Variants in AGPAT5 observed in about 807,000 individuals in gnomAD.
AGPAT5 encodes 1-acylglycerol-3-phosphate O-acyltransferase 5, also known as 1-acyl-sn-glycerol-3-phosphate acyltransferase epsilon.
A neutral mutation model predicts 45.6 loss-of-function variants in AGPAT5; 46 were observed. The ratio of observed to expected loss-of-function variants is 1.01; its 90% CI spans 0.80 to 1.29. The LOEUF (loss-of-function observed/expected upper bound fraction) is 1.29. AGPAT5 is among the 50% of genes most tolerant of loss of function. The probability of loss-of-function intolerance (pLI) is 0.00; values close to 1 mark genes in which losing one functional copy is unlikely to be tolerated. For missense variants in AGPAT5, 673 were observed against 450.7 expected, an observed-to-expected ratio of 1.49 and a Z score of -4.47; for synonymous variants, 272 against 167.0, an observed-to-expected ratio of 1.63 and a Z score of -4.85.
intron 4 of AGPAT5, among the ~76,000 whole-genome samples, chr8:6,739,054 A>C (rs960378701): frequency 1.3e-5 from 2 of 152,084 alleles, no homozygotes; most frequent in Non-Finnish European, 2.9e-5. Context: ...TATAGAAAAG[A>C]TTATTTCCCC....
chr8:6,750,471 C>G (rs575375294), intron 6 of AGPAT5, among the ~76,000 whole-genome samples: 4 of 152,126 alleles, frequency 2.6e-5, no homozygotes, highest in Non-Finnish European at 5.9e-5. Context: ...TCACTTCAGT[C>G]AAGGATAAAG....
chr8:6,715,550 C>CT (rs774164084), intron 1 of AGPAT5, among the ~76,000 whole-genome samples: 1 of 152,258 alleles, frequency 6.6e-6, no homozygotes, highest in East Asian at 1.9e-4. Context: ...CATTCTTCCT[C>CT]TTTTACAGAC....
Position 6,730,827 on chromosome 8 carries a change from G to A in AGPAT5, c.405+1G>A, listed in dbSNP as rs1437339406. The A allele has an allele frequency of 6.2e-7, 1 of 1,604,644 alleles. No homozygotes were observed. Among genetic ancestry groups the A allele is most frequent in the African/African-American group, 1.3e-5 (1 of 74,480 alleles). On this transcript the variant is annotated splice_donor_variant, in intron 3 of 7. Transcript: ENST00000285518. LOFTEE classifies it high-confidence loss of function. ...ATTGTATGGGTGTTACTTTGCTCAG[G>A]TAACTTGTTTCCATGCTTTTCTCTC...
rs1801519781 is a variant in AGPAT5 at position 6,747,670 on chromosome 8, G to C, written c.587G>C (p.Gly196Ala). 6.2e-7 allele frequency: 1 copy of C among 1,612,330 alleles called. No homozygotes were observed. The highest frequency in any genetic ancestry group is 1.1e-5 in the South Asian group (1 of 90,946). The change falls in exon 6 of 8, where the codon GGC becomes GCC. Residue 196 changes from glycine (G) to alanine (A), a missense_variant and splice_region_variant. Transcript: ENST00000285518. ...ATGACGGCACTGAATTGACTTCTAG[G>C]CCTTGCAGTATTAAAACATGTGCTA... ...SASQAFAAQR[G>A]LAVLKHVLTP...
chr8:6,733,705 A>C (rs1418091733), intron 4 of AGPAT5, among the ~76,000 whole-genome samples: 2 of 152,176 alleles, frequency 1.3e-5, no homozygotes, highest in African/African-American at 2.4e-5. Flanking sequence ...TGGTTTATCG[A>C]CTTTTTACAA....
chr8:6,741,011 A>ATGTCT (rs1801228155), intron 4 of AGPAT5, among the ~76,000 whole-genome samples: 1 of 152,172 alleles, frequency 6.6e-6, no homozygotes, highest in Non-Finnish European at 1.5e-5. Flanking sequence ...TTTCCTAAGC[A>ATGTCT]GATAAGCGTA....
At chr8:6,712,465 A>T (rs987495519) in intron 1 of AGPAT5, among the ~76,000 whole-genome samples, 3 of 152,176 alleles carry the variant, frequency 2.0e-5, no homozygotes, top group Admixed American at 2.0e-4. Flanking sequence ...TGTGGTGAAT[A>T]TACTGGTGTT....
intron 1 of AGPAT5, among the ~76,000 whole-genome samples, chr8:6,724,625 TA>T (rs1436528197): frequency 2.6e-5 from 4 of 150,988 alleles, no homozygotes; most frequent in African/African-American, 9.8e-5. Flanking sequence ...ATGCTTGCTA[TA>T]TTTTTCTCAT....
At chr8:6,739,355 T>C (rs1801159967) in intron 4 of AGPAT5, among the ~76,000 whole-genome samples, 1 of 152,152 alleles carries the variant, frequency 6.6e-6, no homozygotes, top group Non-Finnish European at 1.5e-5. Flanking sequence ...TTTGATTGTA[T>C]TGAAGATATA....
intron 1 of AGPAT5, among the ~76,000 whole-genome samples, chr8:6,711,642 A>T (rs1390583378): frequency 6.6e-6 from 1 of 152,188 alleles, no homozygotes; most frequent in African/African-American, 2.4e-5. Context: ...TAAGCGGCTT[A>T]AAATAATAGA....
intron 4 of AGPAT5, among the ~76,000 whole-genome samples, chr8:6,737,102 G>GT (rs973789558): frequency 3.9e-5 from 6 of 152,196 alleles, no homozygotes; most frequent in Non-Finnish European, 8.8e-5. Flanking sequence ...TAGCCTCCCT[G>GT]TTTTTTGTGG....
At chr8:6,722,695 C>G (rs1406969855) in intron 1 of AGPAT5, among the ~76,000 whole-genome samples, 1 of 152,090 alleles carries the variant, frequency 6.6e-6, no homozygotes, top group Non-Finnish European at 1.5e-5. Flanking sequence ...CAGGCCTTCT[C>G]CTGAAAGCCA....
In AGPAT5 at chr8:6,728,151, G is replaced by A. The variant is rs115226741; in HGVS notation, c.290-2560G>A. On this transcript the variant is annotated intron_variant, in intron 2 of 7. Coordinates refer to ENST00000285518, the MANE Select transcript of AGPAT5 (RefSeq NM_018361.5). ...GAAATTAGACTTGCTGCCCCTCACT[G>A]CCTTCCACTCCTCTCCTCCAAGTTA... is the stretch of plus-strand genomic sequence containing the variant. Among the ~76,000 whole-genome samples, 1,043 of 152,288 alleles carry A rather than the reference G, an allele frequency of 6.8e-3. 9 individuals carry two copies. The highest frequency in any genetic ancestry group is 0.023 in the African/African-American group (976 of 41,548).
chr8:6,714,562 AGATG>A (rs1463031242), intron 1 of AGPAT5, among the ~76,000 whole-genome samples: 1 of 152,254 alleles, frequency 6.6e-6, no homozygotes, highest in Non-Finnish European at 1.5e-5. Flanking sequence ...TTAAAATCAC[AGATG>A]CAATTATACA....
chr8:6,756,279 A>G (rs962940431), intron 7 of AGPAT5, among the ~76,000 whole-genome samples: 1 of 152,148 alleles, frequency 6.6e-6, no homozygotes, highest in African/African-American at 2.4e-5. Context: ...TGAGCAGTCC[A>G]TATCCATGGA....
intron 4 of AGPAT5, among the ~76,000 whole-genome samples, chr8:6,734,579 A>C (rs1018764421): frequency 6.6e-6 from 1 of 152,022 alleles, no homozygotes; most frequent in Non-Finnish European, 1.5e-5. Flanking sequence ...GATAATTCCA[A>C]CATCTGGGCC....
chr8:6,712,432 C>T (rs1028893184), intron 1 of AGPAT5, among the ~76,000 whole-genome samples: 1 of 151,970 alleles, frequency 6.6e-6, no homozygotes, highest in African/African-American at 2.4e-5. Context: ...GATATAACTT[C>T]TAAGACAATT....
intron 1 of AGPAT5, among the ~76,000 whole-genome samples, chr8:6,720,856 C>G (rs1256930365): frequency 1.3e-5 from 2 of 152,160 alleles, no homozygotes; most frequent in East Asian, 1.9e-4. Context: ...AGCCATGTGT[C>G]TCATTGATCT....
intron 1 of AGPAT5, among the ~76,000 whole-genome samples, chr8:6,712,834 T>A (rs924429149): frequency 6.6e-6 from 1 of 152,256 alleles, no homozygotes; most frequent in African/African-American, 2.4e-5. Flanking sequence ...TAGCATGTTC[T>A]GTGAAGCTGA....
Sources: gnomAD v4.1 joint callset for allele counts (sites outside exome capture counted in the v4.1 genomes callset) on GRCh38, gnomAD v4.1.1 for gene constraint, MANE v1.5 for transcripts, NCBI Gene and HGNC (gene_info 2026-07-23, HGNC 2026-07-21) for gene names.